The following ANO3 variants were observed in gnomAD, a reference collection of about 807,000 sequenced individuals.
ANO3 encodes anoctamin-3.
ANO3 carries 99 observed loss-of-function variants against 144.8 expected under a neutral mutation model. The observed-to-expected ratio is 0.68, with a 90% CI of 0.58 to 0.81. ANO3 has a LOEUF of 0.81. ANO3 is among the 30% of genes least tolerant of loss of function. The pLI is 0.00. For missense variants in ANO3, 905 were observed against 1,202.2 expected, an observed-to-expected ratio of 0.75 and a Z score of 3.66; for synonymous variants, 414 against 392.6, an observed-to-expected ratio of 1.05 and a Z score of -0.64.
chr11:26,528,756 C>T (rs1472933), intron 7 of ANO3, among the ~76,000 whole-genome samples: 83,773 of 151,656 alleles, frequency 0.55, 24,006 homozygotes, highest in East Asian at 0.79. Context: ...TACCCCATTG[C>T]TTTTTATCAA....
intron 7 of ANO3, among the ~76,000 whole-genome samples, chr11:26,526,510 A>G (rs993125262): frequency 1.3e-5 from 2 of 152,174 alleles, no homozygotes; most frequent in Non-Finnish European, 2.9e-5. Flanking sequence ...GAATAACACA[A>G]AAGCTAGAAC....
chr11:26,629,856 G>A (rs1202731162), intron 18 of ANO3, among the ~76,000 whole-genome samples: 2 of 152,030 alleles, frequency 1.3e-5, no homozygotes, highest in Non-Finnish European at 2.9e-5. Flanking sequence ...GTCTCGAACT[G>A]CCGACCTCAG....
intron 1 of ANO3, among the ~76,000 whole-genome samples, chr11:26,234,132 G>C (rs184771528): frequency 1.3e-4 from 20 of 152,184 alleles, no homozygotes; most frequent in Admixed American, 2.6e-4. Flanking sequence ...ACAGTATAAC[G>C]TTTGTTTTGG....
chr11:26,553,264 A>G lies in ANO3; in HGVS notation c.1305A>G (p.Lys435=). The G allele has an allele frequency of 6.3e-7, 1 of 1,593,720 alleles. No individual in the cohort carries two copies. The highest frequency in any genetic ancestry group is 1.1e-5 in the South Asian group (1 of 89,034). Reference sequence around the variant, plus strand: ...TTTTCTCAAGCCAAGAAATTTGTAAAGCCACTGAAGTCTTTATGTGCCCTC... The same window carrying G: ...TTTTCTCAAGCCAAGAAATTTGTAAGGCCACTGAAGTCTTTATGTGCCCTC... ...NNSQVSQEIC[K]ATEVFMCPLC... is the part of the protein sequence containing the mutation. Residue 435 remains lysine (K), a synonymous_variant, in exon 13 of 27, where the codon AAA becomes AAG. Transcript: ENST00000256737.
At chr11:26,246,217 T>C (rs1443130957) in intron 1 of ANO3, among the ~76,000 whole-genome samples, 2 of 152,084 alleles carry the variant, frequency 1.3e-5, no homozygotes, top group Non-Finnish European at 2.9e-5. Context: ...TGAAGGTGAA[T>C]TTTTAGGGTT....
At chr11:26,305,626 T>C (rs72876907), upstream of ANO3, among the ~76,000 whole-genome samples, 13,061 of 152,286 alleles carry the variant, frequency 0.086, 680 homozygotes, top group Non-Finnish European at 0.12. Context: ...CAATTCACTT[T>C]TATGTTTCTA....
rs532433715 is a variant in ANO3, at chr11:26,230,534, C to T, written c.154+41204C>T. ...TCTTTTGGCCAGGCACGGTAGCTCA[C>T]GCCTGTAATCCCAGCATTTTGGGAG... On this transcript the variant is annotated intron_variant, in intron 1 of 27. Transcript: ENST00000672621. Among the ~76,000 whole-genome samples, 23 of 152,040 alleles carry T rather than the reference C, an allele frequency of 1.5e-4. 1 individual carries two copies. The highest frequency in any genetic ancestry group is 4.2e-4 in the South Asian group (2 of 4,818).
chr11:26,357,249 A>C (rs1004787771), intron 1 of ANO3, among the ~76,000 whole-genome samples: 1 of 152,216 alleles, frequency 6.6e-6, no homozygotes, highest in Non-Finnish European at 1.5e-5. Flanking sequence ...TTGGGCATGG[A>C]ATGACTGGAT....
At chr11:26,197,328 G>A (rs530964396) in intron 1 of ANO3, among the ~76,000 whole-genome samples, 6 of 151,818 alleles carry the variant, frequency 4.0e-5, no homozygotes, top group South Asian at 2.1e-4. Context: ...AACTATATGG[G>A]TAGTTTAATA....
At chr11:26,199,406 G>A (rs1029253788) in intron 1 of ANO3, among the ~76,000 whole-genome samples, 1 of 152,142 alleles carries the variant, frequency 6.6e-6, no homozygotes, top group African/African-American at 2.4e-5. Context: ...AACTCCTCCA[G>A]GGGTCTCAGA....
At chr11:26,496,437 C>T (rs748827767) in intron 4 of ANO3, among the ~76,000 whole-genome samples, 1 of 152,068 alleles carries the variant, frequency 6.6e-6, no homozygotes, top group Non-Finnish European at 1.5e-5. Flanking sequence ...TAATAGGGAC[C>T]CAAGTGCTCA....
intron 1 of ANO3, among the ~76,000 whole-genome samples, chr11:26,424,932 C>T (rs2134002814): frequency 6.6e-6 from 1 of 152,030 alleles, no homozygotes; most frequent in African/African-American, 2.4e-5. Context: ...TACATGTGCA[C>T]AACGTGCAGG....
At chr11:26,352,794 C>T (rs2133914647) in intron 1 of ANO3, among the ~76,000 whole-genome samples, 1 of 152,216 alleles carries the variant, frequency 6.6e-6, no homozygotes, top group East Asian at 1.9e-4. Flanking sequence ...CTACTAATGG[C>T]CTTGCCTATG....
intron 21 of ANO3, among the ~76,000 whole-genome samples, chr11:26,639,693 T>C (rs1185936956): frequency 6.6e-6 from 1 of 152,206 alleles, no homozygotes; most frequent in African/African-American, 2.4e-5. Context: ...TTGTTCTCTT[T>C]GTTACAACTA....
intron 24 of ANO3, among the ~76,000 whole-genome samples, chr11:26,651,619 A>G (rs916659247): frequency 3.3e-5 from 5 of 152,088 alleles, no homozygotes; most frequent in African/African-American, 1.2e-4. Context: ...CTTAATATAA[A>G]TTATTTTTGT....
At chr11:26,610,126 GTC>G (rs1354278143) in intron 17 of ANO3, among the ~76,000 whole-genome samples, 1 of 151,840 alleles carries the variant, frequency 6.6e-6, no homozygotes, top group African/African-American at 2.4e-5. Context: ...GGTCAGACTG[GTC>G]TCTAACTCCT....
intron 4 of ANO3, among the ~76,000 whole-genome samples, chr11:26,493,256 G>T (rs1860785898): frequency 6.6e-6 from 1 of 152,112 alleles, no homozygotes; most frequent in South Asian, 2.1e-4. Flanking sequence ...TACTTTTTAA[G>T]TGAATAAAGA....
chr11:26,415,671 T>G (rs1188269616), intron 1 of ANO3, among the ~76,000 whole-genome samples: 2 of 152,106 alleles, frequency 1.3e-5, no homozygotes, highest in African/African-American at 2.4e-5. Flanking sequence ...TCTCTGTTGT[T>G]TTGTGTAGCA....
chr11:26,609,022 A>G (rs1191124311), intron 17 of ANO3, among the ~76,000 whole-genome samples: 7 of 152,148 alleles, frequency 4.6e-5, no homozygotes, highest in African/African-American at 9.7e-5. Flanking sequence ...GAGGCTTTTG[A>G]GAATCTATGC....
Sources: gnomAD v4.1 joint callset for allele counts (sites outside exome capture counted in the v4.1 genomes callset) on GRCh38, gnomAD v4.1.1 for gene constraint, MANE v1.5 for transcripts, NCBI Gene and HGNC (gene_info 2026-07-23, HGNC 2026-07-21) for gene names.